The following IL17REL variants were observed in gnomAD, a reference collection of about 807,000 sequenced individuals.
The protein encoded by IL17REL is interleukin-17 receptor E-like protein.
In IL17REL, 36 loss-of-function variants were observed where a neutral mutation model predicts 49.0. The ratio of observed to expected loss-of-function variants is 0.73; its 90% CI spans 0.56 to 0.97. The LOEUF is 0.97. Among genes scored for constraint, IL17REL ranks in the 50% least tolerant of loss-of-function variants. IL17REL has a pLI of 0.00. For synonymous variants in IL17REL, 206 were observed against 192.4 expected (o/e 1.07, Z -0.58); for missense variants, 470 against 453.9 (o/e 1.04, Z -0.32).
At chr22:50,009,857 T>C (rs1339959919), upstream of IL17REL, among the ~76,000 whole-genome samples, 1 of 152,010 alleles carries the variant, frequency 6.6e-6, no homozygotes, top group Non-Finnish European at 1.5e-5. Flanking sequence ...TCTCAACAGT[T>C]TCCCGTGCAT....
chr22:50,005,677 C>T (rs928285660), intron 1 of IL17REL, among the ~76,000 whole-genome samples: 13 of 151,950 alleles, frequency 8.6e-5, no homozygotes, highest in African/African-American at 2.7e-4. Context: ...TGCTGCTGGG[C>T]GCCTGTAATT....
At chr22:50,004,257 G>A (rs927950213) in intron 1 of IL17REL, among the ~76,000 whole-genome samples, 1 of 152,068 alleles carries the variant, frequency 6.6e-6, no homozygotes, top group African/African-American at 2.4e-5. Context: ...TTTTTAATTT[G>A]TGGTGGAGAC....
chr22:50,001,058 C>A, intron 2 of IL17REL, 24 bp downstream of exon 3: 1 of 1,524,946 alleles, frequency 6.6e-7, no homozygotes, highest in Non-Finnish European at 8.9e-7. Context: ...GGTGTTAACT[C>A]CCACCCTCGA....
chr22:50,009,256 TG>T (rs1166909525), upstream of IL17REL, among the ~76,000 whole-genome samples: 1 of 151,980 alleles, frequency 6.6e-6, no homozygotes, highest in Non-Finnish European at 1.5e-5. Flanking sequence ...GAACAGGTCC[TG>T]GATGGTCCAG....
Position 49,997,673 on chromosome 22 carries a change from T to C in IL17REL, c.877+12A>G, listed in dbSNP as rs764839325. The C allele has an allele frequency of 7.4e-6, 12 of 1,612,510 alleles. No individual in the cohort carries two copies. The highest frequency in any genetic ancestry group is 4.4e-5 in the South Asian group (4 of 91,060). On this transcript the variant is annotated intron_variant, in intron 10 of 12. Coordinates refer to ENST00000341280, the Ensembl canonical transcript of IL17REL. ...CTGCGTCCACATTGCGTAGGCCTCATGGAGAACTTACTTGGGAAGCGACGC... is the reference window on the plus strand; with the variant it reads ...CTGCGTCCACATTGCGTAGGCCTCACGGAGAACTTACTTGGGAAGCGACGC...
rs1038080738 is a variant in IL17REL at position 49,999,541 on chromosome 22, G to A, written c.475-39C>T. 3.3e-6 allele frequency: 5 copies of A among 1,524,334 alleles called. No homozygotes were observed. The African/African-American group carries it at 4.2e-5, about 13-fold the overall frequency. The allele number at this position is 1,524,334 out of a possible 1,614,324, so 94.4% of individuals were successfully genotyped here. ...AGGGCGGCTGAGGGGCCGCGCGGGA[G>A]GGCGGGGGTGGTCTGGGGTGGGCGG... On this transcript the variant is annotated intron_variant, in intron 5 of 12. Coordinates refer to ENST00000341280, the Ensembl canonical transcript of IL17REL.
At chr22:49,999,225 A>G (rs1601886574) in intron 7 of IL17REL, 66 bp downstream of exon 9, 1 of 1,573,370 alleles carries the variant, frequency 6.4e-7, no homozygotes, top group East Asian at 2.2e-5. Flanking sequence ...GTCAGTCCTC[A>G]TGGTGGAGTC....
exon 4 of IL17REL, chr22:50,000,503 C>T (rs2146747330): frequency 1.9e-6 from 3 of 1,613,492 alleles, no homozygotes; most frequent in Middle Eastern, 1.7e-4. Flanking sequence ...TCTGGTCCAG[C>T]TGGACCCCGC....
upstream of IL17REL, among the ~76,000 whole-genome samples, chr22:50,011,199 A>G (rs1249525760): frequency 1.2e-5 from 1 of 82,820 alleles, no homozygotes; most frequent in East Asian, 3.3e-4. Context: ...CCCATCTTCC[A>G]TGAGACCCTC....
chr22:50,000,995 C>T (rs191686029), intron 2 of IL17REL, 87 bp downstream of exon 3: 34 of 1,284,400 alleles, frequency 2.6e-5, no homozygotes, highest in East Asian at 1.8e-4. Context: ...CTCACCAGGC[C>T]GCCCAAGGTT....
In IL17REL at chr22:49,997,304, C is replaced by T. The variant is rs201318609; in HGVS notation, c.974+16G>A. 14 of 1,610,264 alleles carry T rather than the reference C, an allele frequency of 8.7e-6. No homozygotes were observed. The Admixed American group carries it at 1.3e-4, about 15-fold the overall frequency. On this transcript the variant is annotated intron_variant, in intron 11 of 12. Transcript: ENST00000341280. ...CCCCCACCTCCCCAGGATGGAGCCC[C>T]ACTCTCTCGGCTCACTGAGGCTGAA...
chr22:50,008,730 T>G (rs1041756662), upstream of IL17REL: 1 of 152,500 alleles, frequency 6.6e-6, no homozygotes, highest in African/African-American at 2.4e-5. Flanking sequence ...ATCCTGCTCC[T>G]GCCCTGTCCC....
In IL17REL at chr22:49,999,812, G is replaced by C. The variant is rs1410061478; in HGVS notation, c.474+16C>G. The C allele has an allele frequency of 1.3e-6, 2 of 1,494,230 alleles. No homozygotes were observed. The highest frequency in any genetic ancestry group is 1.8e-6 in the Non-Finnish European group (2 of 1,121,246). 92.6% of individuals were successfully genotyped at this position (1,494,230 alleles called of 1,614,324 possible). ...GGGGCCTAAGGCTGACCGGGGCCCG[G>C]GGCGCGGGCGCTCACTCGCACAGGG... is the stretch of plus-strand genomic sequence containing the variant. On this transcript the variant is annotated intron_variant, in intron 5 of 12. Transcript: ENST00000341280.
At chr22:50,004,821 C>T (rs1392024237) in intron 1 of IL17REL, among the ~76,000 whole-genome samples, 1 of 148,336 alleles carries the variant, frequency 6.7e-6, no homozygotes, top group Admixed American at 6.8e-5. Flanking sequence ...CACTGCACTC[C>T]AGCCTGGATG....
chr22:50,001,040 G>A, intron 2 of IL17REL, 42 bp downstream of exon 3: 1 of 1,460,708 alleles, frequency 6.8e-7, no homozygotes, highest in Admixed American at 2.0e-5. Flanking sequence ...CCCACTGCTG[G>A]ACCTGCGGGT....
At chr22:50,006,094 G>C (rs1272636825) in intron 1 of IL17REL, among the ~76,000 whole-genome samples, 3 of 152,224 alleles carry the variant, frequency 2.0e-5, no homozygotes, top group African/African-American at 7.2e-5. Context: ...GGAGCTGAGG[G>C]CTTTGTGGGG....
chr22:49,999,096 T>A lies in IL17REL; in HGVS notation c.601+195A>T, dbSNP rs74802784. Reference sequence around the variant, plus strand: ...TGGTCCACGTGCGCACACATGTACATTGCACACACACACACACTTATGCAC... The same window carrying A: ...TGGTCCACGTGCGCACACATGTACAATGCACACACACACACACTTATGCAC... On this transcript the variant is annotated intron_variant, in intron 7 of 12. Coordinates refer to ENST00000341280, the Ensembl canonical transcript of IL17REL. 8.3e-5 allele frequency among the ~76,000 whole-genome samples: 11 copies of A among 132,992 alleles called. No individual in the cohort carries two copies. In the East Asian group the frequency reaches 1.6e-3, roughly 19 times the overall value. 87.2% of individuals were successfully genotyped at this position (132,992 alleles called of 152,430 possible).
Position 50,001,063 on chromosome 22 carries a change from C to G in IL17REL, c.109+19G>C, listed in dbSNP as rs1228088220. The stretch of plus-strand genomic sequence containing the variant: ...TGGACCTGCGGGTGTTAACTCCCAC[C>G]CTCGAGGCCACCTCTCACCATGCAG... On this transcript the variant is annotated intron_variant, in intron 2 of 12. Transcript: ENST00000341280. 5.2e-6 allele frequency: 8 copies of G among 1,549,470 alleles called. No homozygotes were observed. Among genetic ancestry groups the G allele is most frequent in the Non-Finnish European group, 7.0e-6 (8 of 1,142,280 alleles).
At chr22:49,997,513 C>G in intron 10 of IL17REL, 30 bp from the exon 13 acceptor site, 1 of 1,385,750 alleles carries the variant, frequency 7.2e-7, no homozygotes, top group Non-Finnish European at 1.0e-6. Context: ...AGACCCCCAT[C>G]CGGCCCAGCA....
Sources: gnomAD v4.1 joint callset for allele counts (sites outside exome capture counted in the v4.1 genomes callset) on GRCh38, gnomAD v4.1.1 for gene constraint, MANE v1.5 for transcripts, NCBI Gene and HGNC (gene_info 2026-07-23, HGNC 2026-07-21) for gene names.